Variants in RUNX1 observed in about 807,000 individuals in gnomAD.
RUNX1 encodes the protein RUNX family transcription factor 1, also known as runt-related transcription factor 1.
In RUNX1, 19 loss-of-function variants were observed where a neutral mutation model predicts 42.8. That is an observed-to-expected ratio of 0.44 (90% CI 0.31 to 0.65). The LOEUF (loss-of-function observed/expected upper bound fraction) is 0.65. Ranked by LOEUF, RUNX1 falls within the 30% of genes least tolerant of loss-of-function variation. RUNX1 has a pLI of 0.07. For missense variants in RUNX1, 528 were observed against 672.0 expected, an observed-to-expected ratio of 0.79 and a Z score of 2.37; for synonymous variants, 271 against 289.4, an observed-to-expected ratio of 0.94 and a Z score of 0.64.
rs57869335 is a variant in RUNX1 at position 34,984,756 on chromosome 21, T to C, written c.58+64086A>G. Among the ~76,000 whole-genome samples the C allele has an allele frequency of 7.5e-3, 1,142 of 152,318 alleles. 17 individuals carry two copies. Among genetic ancestry groups the C allele is most frequent in the African/African-American group, 0.026 (1,100 of 41,560 alleles). ...GGGCTTGAGTGCAGAAGCACAGTTATGTGGCACATGTCTGCAAAGTAGTTG... is the reference window on the plus strand; with the variant it reads ...GGGCTTGAGTGCAGAAGCACAGTTACGTGGCACATGTCTGCAAAGTAGTTG... On this transcript the variant is annotated intron_variant, in intron 2 of 8. Coordinates refer to ENST00000675419, the MANE Select transcript of RUNX1 (RefSeq NM_001754.5).
At chr21:34,853,815 A>ATTTTT (rs34643463) in intron 6 of RUNX1, among the ~76,000 whole-genome samples, 1 of 139,160 alleles carries the variant, frequency 7.2e-6, no homozygotes. Flanking sequence ...TCCTTCCTTC[A>ATTTTT]TTTTTTTTTT....
intron 2 of RUNX1, among the ~76,000 whole-genome samples, chr21:35,040,770 C>CAAAAAAAAAAAAAAA (rs1568808489): frequency 7.8e-5 from 4 of 50,988 alleles, no homozygotes; most frequent in African/African-American, 2.0e-4. Context: ...TAGACTCCAT[C>CAAAAAAAAAAAAAAA]CAAAAAAAAA....
chr21:34,818,700 A>G (rs1288242429), intron 7 of RUNX1, among the ~76,000 whole-genome samples: 2 of 152,208 alleles, frequency 1.3e-5, no homozygotes, highest in Admixed American at 6.5e-5. Context: ...CACACACAAC[A>G]TAAATCAGAG....
chr21:34,798,380 G>A (rs1220389512), intron 8 of RUNX1, among the ~76,000 whole-genome samples: 1 of 152,160 alleles, frequency 6.6e-6, no homozygotes, highest in African/African-American at 2.4e-5. Context: ...CTGCCCACGA[G>A]CAAAGGTGAG....
At chr21:35,036,180 T>C (rs1280730965) in intron 2 of RUNX1, among the ~76,000 whole-genome samples, 1 of 152,180 alleles carries the variant, frequency 6.6e-6, no homozygotes, top group African/African-American at 2.4e-5. Flanking sequence ...GCCCAGAATA[T>C]AATCTCTAGT....
At chr21:34,944,617 A>G (rs1038481974) in intron 2 of RUNX1, among the ~76,000 whole-genome samples, 1 of 152,150 alleles carries the variant, frequency 6.6e-6, no homozygotes, top group Non-Finnish European at 1.5e-5. Flanking sequence ...AATGAAATCT[A>G]TGGAGGAAGA....
At chr21:34,992,740 T>A (rs574140499) in intron 2 of RUNX1, among the ~76,000 whole-genome samples, 1 of 150,950 alleles carries the variant, frequency 6.6e-6, no homozygotes, top group Non-Finnish European at 1.5e-5. Context: ...TTGGCCATGT[T>A]CACTGCTGCA....
At chr21:34,902,809 T>G (rs2058187740) in intron 2 of RUNX1, among the ~76,000 whole-genome samples, 1 of 152,172 alleles carries the variant, frequency 6.6e-6, no homozygotes, top group Admixed American at 6.5e-5. Flanking sequence ...AAGGTGGGTT[T>G]TCCAGCTCCA....
At chr21:34,865,776 A>G (rs2057652948) in intron 5 of RUNX1, among the ~76,000 whole-genome samples, 1 of 152,214 alleles carries the variant, frequency 6.6e-6, no homozygotes, top group Admixed American at 6.5e-5. Context: ...CACATCTGGG[A>G]AGTGGCTAAA....
chr21:35,047,406 C>T (rs952951373), intron 2 of RUNX1, among the ~76,000 whole-genome samples: 2 of 151,886 alleles, frequency 1.3e-5, no homozygotes, highest in Non-Finnish European at 2.9e-5. Context: ...ACTAAAATTC[C>T]CTCTGCTGCC....
chr21:34,829,705 GT>G (rs2146044293), intron 7 of RUNX1: 1 of 152,282 alleles, frequency 6.6e-6, no homozygotes, highest in African/African-American at 2.4e-5. Context: ...AGGATTTCTG[GT>G]GTTTGATTGT....
intron 2 of RUNX1, among the ~76,000 whole-genome samples, chr21:35,020,392 G>C (rs1407038394): frequency 1.3e-5 from 2 of 152,134 alleles, no homozygotes; most frequent in Non-Finnish European, 1.5e-5. Flanking sequence ...CACCCTCATG[G>C]AGAAAGTGGC....
At chr21:34,948,179 C>A (rs1052493452) in intron 2 of RUNX1, among the ~76,000 whole-genome samples, 18 of 150,592 alleles carry the variant, frequency 1.2e-4, no homozygotes, top group African/African-American at 4.2e-4. Flanking sequence ...TTTAAAAAAT[C>A]ATTTCTTCAT....
Position 34,859,597 on chromosome 21 carries a change from G to A in RUNX1, c.509-19C>T, listed in dbSNP as rs562815180. 7 of 1,573,882 alleles carry A rather than the reference G, an allele frequency of 4.4e-6. No homozygotes were observed. Among genetic ancestry groups the A allele is most frequent in the African/African-American group, 2.7e-5 (2 of 74,140 alleles). ...CTTTTCCCTGTGGGGACACGATAGA[G>A]AACAAAACAGAATGAGGTTGGTGGC... On this transcript the variant is annotated intron_variant, in intron 5 of 8. Transcript: ENST00000675419.
intron 2 of RUNX1, among the ~76,000 whole-genome samples, chr21:34,972,312 A>G (rs1038155545): frequency 6.6e-6 from 1 of 152,222 alleles, no homozygotes; most frequent in African/African-American, 2.4e-5. Context: ...AACATTTTCC[A>G]ATTCTATGGT....
chr21:34,887,457 A>T, intron 3 of RUNX1: 1 of 1,287,418 alleles, frequency 7.8e-7, no homozygotes, highest in South Asian at 2.1e-5. Context: ...CCTGAAGGCA[A>T]AATTCTCATA....
chr21:34,810,626 G>A (rs1467576928), intron 7 of RUNX1, among the ~76,000 whole-genome samples: 2 of 152,198 alleles, frequency 1.3e-5, no homozygotes, highest in African/African-American at 4.8e-5. Context: ...GTGTGCTGAA[G>A]CAAGTAACTT....
intron 7 of RUNX1, among the ~76,000 whole-genome samples, chr21:34,807,147 T>C (rs1318541473): frequency 6.6e-6 from 1 of 152,030 alleles, no homozygotes; most frequent in Non-Finnish European, 1.5e-5. Context: ...AGGAAAATAA[T>C]AGACAAAATC....
chr21:34,998,990 G>GT (rs1234526276), intron 2 of RUNX1, among the ~76,000 whole-genome samples: 1 of 152,250 alleles, frequency 6.6e-6, no homozygotes, highest in Admixed American at 6.5e-5. Flanking sequence ...CAATGAGAGA[G>GT]TTAATAGACT....
Sources: allele counts gnomAD v4.1 joint callset (sites outside exome capture counted in the v4.1 genomes callset), GRCh38; gene constraint gnomAD v4.1.1; transcripts MANE v1.5; gene names NCBI Gene and HGNC (gene_info 2026-07-23, HGNC 2026-07-21).